ASB18: variants seen among roughly 807,000 people sequenced by gnomAD.
The protein encoded by ASB18 is ankyrin repeat and SOCS box protein 18.
In ASB18, 33 loss-of-function variants were observed where a neutral mutation model predicts 33.4. That is an observed-to-expected ratio of 0.99 (90% CI 0.75 to 1.32). The LOEUF is 1.32. Ranked by LOEUF, ASB18 falls within the 40% of genes most tolerant of loss-of-function variation. ASB18 has a pLI of 0.00. For missense variants in ASB18, 694 were observed against 655.5 expected (o/e 1.06, Z -0.64); for synonymous variants, 295 against 307.6 (o/e 0.96, Z 0.43).
In ASB18 at chr2:236,239,704, A is replaced by T. The variant is rs2060612558; in HGVS notation, c.328+1576T>A. On this transcript the variant is annotated intron_variant, in intron 2 of 5. Transcript: ENST00000409749. This position sits in a 1 kb window ranked among gnomAD's most constrained non-coding sequence, Gnocchi z 5.6. Reference sequence around the variant, plus strand: ...GGCACCGAGGTGGTGGCCACTGGGGACCTGCTCCCTGTACTCAGATCAATC... The same window carrying T: ...GGCACCGAGGTGGTGGCCACTGGGGTCCTGCTCCCTGTACTCAGATCAATC... Among the ~76,000 whole-genome samples the T allele has an allele frequency of 6.6e-6, 1 of 152,154 alleles. No homozygotes were observed. Among genetic ancestry groups the T allele is most frequent in the Non-Finnish European group, 1.5e-5 (1 of 68,022 alleles).
At position 236,200,741 on chromosome 2, in the gene ASB18, G is replaced by A. The variant is rs923303846; in HGVS notation, c.1102-4356C>T. Among the ~76,000 whole-genome samples the A allele has an allele frequency of 2.0e-5, 3 of 152,208 alleles. No homozygotes were observed. Among genetic ancestry groups the A allele is most frequent in the Non-Finnish European group, 4.4e-5 (3 of 68,024 alleles). Reference sequence around the variant, plus strand: ...AGGAAGAGATCTTCACTCTATCGATGAATAAGCACCCTTTTCTCATTTGAA... The same window carrying A: ...AGGAAGAGATCTTCACTCTATCGATAAATAAGCACCCTTTTCTCATTTGAA... On this transcript the variant is annotated intron_variant, in intron 4 of 5. Coordinates refer to ENST00000409749, the MANE Select transcript of ASB18 (RefSeq NM_212556.4). This position sits in a 1 kb window ranked among gnomAD's most constrained non-coding sequence, Gnocchi z 4.2.
At chr2:236,261,863 A>T (rs2060720253) in intron 1 of ASB18, among the ~76,000 whole-genome samples, 1 of 152,204 alleles carries the variant, frequency 6.6e-6, no homozygotes, top group South Asian at 2.1e-4. Context: ...GCCAAGTGAA[A>T]GGGGAAGCCC....
At position 236,229,973 on chromosome 2, in the gene ASB18, A is replaced by G. The variant is rs1553601077; in HGVS notation, c.596+7716T>C. ...TTAGCTATAAAAGAACAAAGATAAA[A>G]CTAGGAGTTTGAGACCACCCTGGGC... On this transcript the variant is annotated intron_variant, in intron 3 of 5. Coordinates refer to ENST00000409749, the MANE Select transcript of ASB18 (RefSeq NM_212556.4). This position sits in a 1 kb window ranked among gnomAD's most constrained non-coding sequence, Gnocchi z 5.2. Among the ~76,000 whole-genome samples the G allele has an allele frequency of 6.6e-6, 1 of 152,142 alleles. No individual in the cohort carries two copies. The highest frequency in any genetic ancestry group is 1.5e-5 in the Non-Finnish European group (1 of 68,028).
intron 4 of ASB18, among the ~76,000 whole-genome samples, chr2:236,197,259 G>A (rs1200382551): frequency 6.6e-6 from 1 of 152,150 alleles, no homozygotes; most frequent in Admixed American, 6.5e-5. Flanking sequence ...TATACAATCA[G>A]TGTTTAAATT....
In ASB18 at chr2:236,251,965, T is replaced by A. The variant is rs1487765172; in HGVS notation, c.206-10563A>T. On this transcript the variant is annotated intron_variant, in intron 1 of 5. Coordinates refer to ENST00000409749, the MANE Select transcript of ASB18 (RefSeq NM_212556.4). The surrounding 1 kb of genome is among the most constrained non-coding windows in gnomAD (Gnocchi z 5.3). ...GAGCATTTTTCAGGTACAAGAAGCT[T>A]ACAGAAATAAATAGTAGAAATCTGG... Among the ~76,000 whole-genome samples, 1 of 152,136 alleles carries A rather than the reference T, an allele frequency of 6.6e-6. No individual in the cohort carries two copies. Among genetic ancestry groups the A allele is most frequent in the African/African-American group, 2.4e-5 (1 of 41,434 alleles).
chr2:236,233,392 C>T (rs983296442), intron 3 of ASB18, among the ~76,000 whole-genome samples: 1 of 151,998 alleles, frequency 6.6e-6, no homozygotes, highest in Non-Finnish European at 1.5e-5. Flanking sequence ...ATTATCTGCT[C>T]TCACCACTTT....
chr2:236,260,525 C>A lies in ASB18; in HGVS notation c.205+3616G>T, dbSNP rs528485810. ...CTTTCTCCCATCAAGGATGGTCCCC[C>A]CAAACTCGCCCTTACCTTGAGAAAG... is the stretch of plus-strand genomic sequence containing the variant. On this transcript the variant is annotated intron_variant, in intron 1 of 5. Coordinates refer to ENST00000409749, the MANE Select transcript of ASB18 (RefSeq NM_212556.4). This position sits in a 1 kb window ranked among gnomAD's most constrained non-coding sequence, Gnocchi z 5.1. 9.2e-5 allele frequency among the ~76,000 whole-genome samples: 14 copies of A among 152,332 alleles called. No individual in the cohort carries two copies. Among genetic ancestry groups the A allele is most frequent in the African/African-American group, 3.4e-4 (14 of 41,564 alleles).
At chr2:236,243,408 C>CT (rs907098761) in intron 1 of ASB18, among the ~76,000 whole-genome samples, 1 of 151,598 alleles carries the variant, frequency 6.6e-6, no homozygotes, top group African/African-American at 2.4e-5. Flanking sequence ...TGTCTTTTAG[C>CT]TTTTTTTCCC....
At position 236,221,863 on chromosome 2, in the gene ASB18, C is replaced by T. The variant is rs2060514420; in HGVS notation, c.597-6997G>A. ...AGCTCGTCTTGTTGAATTACTGTTA[C>T]TGCTGCTTTTCCTCCTCAGAGATGA... On this transcript the variant is annotated intron_variant, in intron 3 of 5. Transcript: ENST00000409749. This position sits in a 1 kb window ranked among gnomAD's most constrained non-coding sequence, Gnocchi z 5.6. 1.3e-5 allele frequency among the ~76,000 whole-genome samples: 2 copies of T among 152,158 alleles called. No homozygotes were observed. The highest frequency in any genetic ancestry group is 4.1e-4 in the South Asian group (2 of 4,830).
At chr2:236,202,481 A>G (rs1156588029) in intron 4 of ASB18, among the ~76,000 whole-genome samples, 1 of 152,028 alleles carries the variant, frequency 6.6e-6, no homozygotes, top group Non-Finnish European at 1.5e-5. Flanking sequence ...TTTTGGAAGT[A>G]TGCATTGTCT....
rs1049043835 is a variant in ASB18, at chr2:236,245,099, G to A, written c.206-3697C>T. On this transcript the variant is annotated intron_variant, in intron 1 of 5. Coordinates refer to ENST00000409749, the MANE Select transcript of ASB18 (RefSeq NM_212556.4). The surrounding 1 kb of genome is among the most constrained non-coding windows in gnomAD (Gnocchi z 4.7). ...GAGTCAACCTCAGCTGGGTGTGGGG[G>A]GAGACTTGGCCATGACCCAAATTGG... Among the ~76,000 whole-genome samples, 4 of 152,126 alleles carry A rather than the reference G, an allele frequency of 2.6e-5. No homozygotes were observed. Among genetic ancestry groups the A allele is most frequent in the Admixed American group, 1.3e-4 (2 of 15,278 alleles).
chr2:236,262,604 G>A lies in ASB18; in HGVS notation c.205+1537C>T, dbSNP rs1464099311. ...GTTTGCAGAGATCAGCCTCGGGGGG[G>A]TGCTTGGGCACGGTGGGCCTAAAGG... is the stretch of plus-strand genomic sequence containing the variant. On this transcript the variant is annotated intron_variant, in intron 1 of 5. Coordinates refer to ENST00000409749, the MANE Select transcript of ASB18 (RefSeq NM_212556.4). The surrounding 1 kb of genome is among the most constrained non-coding windows in gnomAD (Gnocchi z 5.2). Among the ~76,000 whole-genome samples the A allele has an allele frequency of 6.6e-6, 1 of 152,250 alleles. No homozygotes were observed. Among genetic ancestry groups the A allele is most frequent in the African/African-American group, 2.4e-5 (1 of 41,472 alleles).
rs548097553 is a variant in ASB18 at position 236,211,593 on chromosome 2, G to A, written c.1101+2769C>T. ...CCTGTGACAGTGCTGGTGACTCTAC[G>A]CTCGGCTCGCCATGGCGCCCGTGTG... On this transcript the variant is annotated intron_variant, in intron 4 of 5. Transcript: ENST00000409749. The surrounding 1 kb of genome is among the most constrained non-coding windows in gnomAD (Gnocchi z 5.0). Among the ~76,000 whole-genome samples, 25 of 152,222 alleles carry A rather than the reference G, an allele frequency of 1.6e-4. No individual in the cohort carries two copies. The highest frequency in any genetic ancestry group is 3.5e-4 in the Non-Finnish European group (24 of 68,048).
At position 236,237,864 on chromosome 2, in the gene ASB18, C is replaced by T; in HGVS notation, c.421G>A (p.Gly141Ser). 1.4e-6 allele frequency: 2 copies of T among 1,468,322 alleles called. No individual in the cohort carries two copies. The highest frequency in any genetic ancestry group is 1.8e-6 in the Non-Finnish European group (2 of 1,118,830). The allele number at this position is 1,468,322 out of a possible 1,614,324, so 91.0% of individuals were successfully genotyped here. A position where few individuals can be genotyped will look rare whatever the true frequency, so the allele number is the denominator to read the frequency against. ...GHTACVRHLL[G>S]RGADPDASPG... ...CTGGCGTCTGGGTCTGCGCCGCGGCCGAGCAGGTGTCGCACGCAGGCGGTG... is the reference window on the plus strand; with the variant it reads ...CTGGCGTCTGGGTCTGCGCCGCGGCTGAGCAGGTGTCGCACGCAGGCGGTG... Residue 141 changes from glycine (G) to serine (S), a missense_variant, in exon 3 of 6, where the codon GGC (glycine) becomes AGC (serine). Transcript: ENST00000409749. This position sits in a 1 kb window ranked among gnomAD's most constrained non-coding sequence, Gnocchi z 6.2.
chr2:236,202,009 A>G (rs12466176), intron 4 of ASB18, among the ~76,000 whole-genome samples: 1 of 151,400 alleles, frequency 6.6e-6, no homozygotes, highest in East Asian at 1.9e-4. Flanking sequence ...GGGTGCAATC[A>G]CGAGATCTTG....
chr2:236,199,026 CTAAGT>C (rs1278837541), intron 4 of ASB18, among the ~76,000 whole-genome samples: 1 of 152,136 alleles, frequency 6.6e-6, no homozygotes, highest in African/African-American at 2.4e-5. Flanking sequence ...ATACCCTGTT[CTAAGT>C]TAAGAAAATA....
intron 1 of ASB18, among the ~76,000 whole-genome samples, chr2:236,247,152 C>T (rs74776080): frequency 0.037 from 5,128 of 139,846 alleles, 354 homozygotes; most frequent in African/African-American, 0.13. Context: ...TTGGTGACAG[C>T]GTTAAAAATA....
At chr2:236,230,564 A>G (rs62190969) in intron 3 of ASB18, among the ~76,000 whole-genome samples, 15,259 of 151,874 alleles carry the variant, frequency 0.1, 881 homozygotes, top group Middle Eastern at 0.2. Flanking sequence ...AATGTATATT[A>G]CCAATAATAG....
rs530943171 is a variant in ASB18 at position 236,225,797 on chromosome 2, A to ATT, written c.597-10933_597-10932dup. Among the ~76,000 whole-genome samples, 139 of 145,548 alleles carry ATT rather than the reference A, an allele frequency of 9.6e-4. No homozygotes were observed. The highest frequency in any genetic ancestry group is 3.2e-3 in the African/African-American group (126 of 39,466). On this transcript the variant is annotated intron_variant, in intron 3 of 5. Coordinates refer to ENST00000409749, the MANE Select transcript of ASB18 (RefSeq NM_212556.4). This position sits in a 1 kb window ranked among gnomAD's most constrained non-coding sequence, Gnocchi z 5.1. ...TGCTGGTTGGAAGGAAGCACAGGTA[A>ATT]TTTTTTTTTTTTAATCCCAGGAACT...
Sources: allele counts gnomAD v4.1 joint callset (sites outside exome capture counted in the v4.1 genomes callset), GRCh38; gene constraint gnomAD v4.1.1; non-coding constraint Gnocchi (gnomAD v3.1); transcripts MANE v1.5; gene names NCBI Gene and HGNC (gene_info 2026-07-23, HGNC 2026-07-21).